Variants in CRYBG3 observed in about 807,000 individuals in gnomAD.
CRYBG3 encodes very large A-kinase anchor protein.
In CRYBG3, 127 loss-of-function variants were observed where a neutral mutation model predicts 244.2. That is an observed-to-expected ratio of 0.52 (90% CI 0.45 to 0.60). CRYBG3 has a LOEUF of 0.60. Among genes scored for constraint, CRYBG3 ranks in the 20% least tolerant of loss-of-function variants. The probability of loss-of-function intolerance (pLI) is 0.00; values close to 1 mark genes in which losing one functional copy is unlikely to be tolerated. For missense variants in CRYBG3, 3,325 were observed against 3,442.5 expected (o/e 0.97, Z 0.85); for synonymous variants, 1,132 against 1,195.8 (o/e 0.95, Z 1.10).
At position 97,875,648 on chromosome 3, in the gene CRYBG3, A is replaced by G; in HGVS notation, c.4454A>G (p.Asp1485Gly). Residue 1485 changes from aspartate to glycine, a missense_variant, in exon 4 of 22, where the codon GAC (aspartate) becomes GGC (glycine). By Grantham distance (94) the Asp-to-Gly change is moderately conservative. This residue lies in a region of CRYBG3 where 635 missense variants were observed against 771.7 expected (regional missense o/e 0.82). Coordinates refer to ENST00000389622, the MANE Select transcript of CRYBG3 (RefSeq NM_153605.4). ...AAATGGCCTCCACTTGTGAATGATG[A>G]CATCCATGCACCTGGTACATCTAAA... The part of the protein sequence containing the change: ...NFKWPPLVND[D>G]IHAPGTSKSS... 1 of 1,234,348 alleles carries G rather than the reference A, an allele frequency of 8.1e-7. No individual in the cohort carries two copies. Among genetic ancestry groups the G allele is most frequent in the Non-Finnish European group, 1.0e-6 (1 of 989,672 alleles). 76.5% of individuals were successfully genotyped at this position (1,234,348 alleles called of 1,614,324 possible).
intron 2 of CRYBG3, among the ~76,000 whole-genome samples, chr3:97,847,421 A>G (rs78191814): frequency 0.035 from 5,303 of 152,274 alleles, 300 homozygotes; most frequent in African/African-American, 0.12. Flanking sequence ...GCAAATCTCA[A>G]ATTAAGTCAC....
chr3:97,917,548 A>T (rs1459174261), intron 17 of CRYBG3, among the ~76,000 whole-genome samples: 1 of 152,106 alleles, frequency 6.6e-6, no homozygotes, highest in Non-Finnish European at 1.5e-5. Flanking sequence ...TCCTACAAAG[A>T]TCTGCAAAGT....
chr3:97,832,555 T>C (rs1036000906), intron 1 of CRYBG3, among the ~76,000 whole-genome samples: 1 of 152,094 alleles, frequency 6.6e-6, no homozygotes, highest in African/African-American at 2.4e-5. Flanking sequence ...TTACACTGTG[T>C]ACAAAAATTA....
chr3:97,831,032 C>G (rs2038647566), intron 1 of CRYBG3, among the ~76,000 whole-genome samples: 1 of 151,948 alleles, frequency 6.6e-6, no homozygotes, highest in African/African-American at 2.4e-5. Flanking sequence ...TGACAAGAGG[C>G]AGATTAATAG....
rs560406248 is a variant in CRYBG3 at position 97,875,912 on chromosome 3, T to C, written c.4718T>C (p.Ile1573Thr). 1.6e-5 allele frequency: 20 copies of C among 1,231,962 alleles called. No homozygotes were observed. The East Asian group carries it at 3.8e-4, about 23-fold the overall frequency. The allele number at this position is 1,231,962 out of a possible 1,614,324, so 76.3% of individuals were successfully genotyped here. A position where few individuals can be genotyped will look rare whatever the true frequency, so the allele number is the denominator to read the frequency against. Residue 1573 changes from isoleucine (I) to threonine (T), a missense_variant, in exon 4 of 22, where the codon ATA (isoleucine) becomes ACA (threonine). Ile to Thr is a moderately conservative substitution (Grantham distance 89). Transcript: ENST00000389622. ...CCTCCTATGATAGAAATGGGAAGAA[T>C]ACATAAAATGGATGCTGAATTGAAT... is the stretch of plus-strand genomic sequence containing the variant. ...AVPPMIEMGR[I>T]HKMDAELNVT... is the part of the protein sequence containing the mutation.
intron 17 of CRYBG3, among the ~76,000 whole-genome samples, chr3:97,930,647 C>A (rs1409303724): frequency 3.3e-5 from 5 of 152,062 alleles, no homozygotes. Flanking sequence ...ACTCCTAAAT[C>A]TGTACTGTCC....
Position 97,899,036 on chromosome 3 carries a change from T to C in CRYBG3, c.7844+11T>C. 6.2e-7 allele frequency: 1 copy of C among 1,608,352 alleles called. No individual in the cohort carries two copies. Among genetic ancestry groups the C allele is most frequent in the Non-Finnish European group, 8.5e-7 (1 of 1,177,882 alleles). Reference sequence around the variant, plus strand: ...TGTTAAAAGTGGAGTGTAAGTTGCCTCCTCTAAGAACCTTGAGAGTCTTTG... The same window carrying C: ...TGTTAAAAGTGGAGTGTAAGTTGCCCCCTCTAAGAACCTTGAGAGTCTTTG... On this transcript the variant is annotated intron_variant, in intron 13 of 21. Coordinates refer to ENST00000389622, the MANE Select transcript of CRYBG3 (RefSeq NM_153605.4).
chr3:97,891,696 G>A (rs1028397113), intron 10 of CRYBG3, among the ~76,000 whole-genome samples: 7 of 151,892 alleles, frequency 4.6e-5, no homozygotes, highest in Non-Finnish European at 1.0e-4. Flanking sequence ...TTAAGATTAG[G>A]GGAAAAAAAG....
At position 97,856,691 on chromosome 3, in the gene CRYBG3, G is replaced by A. The variant is rs181454046; in HGVS notation, c.217-7526G>A. 6.6e-5 allele frequency among the ~76,000 whole-genome samples: 10 copies of A among 151,932 alleles called. 1 individual carries two copies. The highest frequency in any genetic ancestry group is 2.4e-4 in the African/African-American group (10 of 41,466). Reference sequence around the variant, plus strand: ...TATTCATTTCCTCTAGGTTTTTTTTGTTTGTTGGTGTATCATTATTCACAA... The same window carrying A: ...TATTCATTTCCTCTAGGTTTTTTTTATTTGTTGGTGTATCATTATTCACAA... On this transcript the variant is annotated intron_variant, in intron 2 of 21. Transcript: ENST00000389622.
chr3:97,859,668 A>G (rs1421640694), intron 2 of CRYBG3, among the ~76,000 whole-genome samples: 4 of 152,118 alleles, frequency 2.6e-5, no homozygotes, highest in Non-Finnish European at 5.9e-5. Context: ...CAAATTCTCT[A>G]AATTTTGAGA....
In CRYBG3 at chr3:97,872,342, T is replaced by G; in HGVS notation, c.1148T>G (p.Leu383Trp). The change falls in exon 4 of 22, where the codon TTG becomes TGG. Residue 383 changes from leucine to tryptophan, a missense_variant. This residue lies in a region of CRYBG3 where 1,526 missense variants were observed against 1,443.2 expected (regional missense o/e 1.06). Transcript: ENST00000389622. ...AACAGAAATTTGGTATGTTCAGCATTGTTAACAGGAAGTAACCATCGCAAA... is the reference window on the plus strand; with the variant it reads ...AACAGAAATTTGGTATGTTCAGCATGGTTAACAGGAAGTAACCATCGCAAA... ...QTNRNLVCSALLTGSNHRKVP... is the reference protein window; with the variant it reads ...QTNRNLVCSAWLTGSNHRKVP... 1 of 1,535,996 alleles carries G rather than the reference T, an allele frequency of 6.5e-7. No homozygotes were observed. The highest frequency in any genetic ancestry group is 8.7e-7 in the Non-Finnish European group (1 of 1,146,830).
chr3:97,911,600 C>T (rs760343526), intron 15 of CRYBG3, among the ~76,000 whole-genome samples: 29 of 152,308 alleles, frequency 1.9e-4, no homozygotes, highest in Middle Eastern at 3.4e-3. Context: ...CCACTAATCC[C>T]GTCATTATTA....
chr3:97,906,225 C>A (rs1325583459), intron 15 of CRYBG3, among the ~76,000 whole-genome samples: 1 of 133,454 alleles, frequency 7.5e-6, no homozygotes, highest in African/African-American at 2.6e-5. Context: ...CTTCGCAATG[C>A]GGGCTCTTTT....
chr3:97,916,487 G>A (rs9879269), intron 17 of CRYBG3, among the ~76,000 whole-genome samples: 69,508 of 151,962 alleles, frequency 0.46, 16,753 homozygotes, highest in East Asian at 0.67. Flanking sequence ...TGGGCCCCTA[G>A]TCAATAGGAT....
At position 97,874,429 on chromosome 3, in the gene CRYBG3, C is replaced by T; in HGVS notation, c.3235C>T (p.Pro1079Ser). 1.3e-6 allele frequency: 2 copies of T among 1,534,972 alleles called. No individual in the cohort carries two copies. The highest frequency in any genetic ancestry group is 1.7e-6 in the Non-Finnish European group (2 of 1,146,418). The change falls in exon 4 of 22, where the codon CCC becomes TCC. Residue 1079 changes from proline to serine, a missense_variant. Physicochemically the swap from Pro to Ser is moderately conservative, Grantham distance 74. Transcript: ENST00000389622. ...TAGCATGATAGTAAATTCACATAAG[C>T]CCCAAAATAATTTGGATTCTATACA... ...EVSMIVNSHK[P>S]QNNLDSIQVT...
Position 97,880,073 on chromosome 3 carries a change from G to C in CRYBG3, c.6977G>C (p.Gly2326Ala), listed in dbSNP as rs991222817. ...GCTACATCATGGTCTTTTCCAAATGGAGTTCTAATAAAAGTTGTAAGGGGC... is the reference window on the plus strand; with the variant it reads ...GCTACATCATGGTCTTTTCCAAATGCAGTTCTAATAAAAGTTGTAAGGGGC... ...PDATSWSFPN[G>A]VLIKVVRGCW... Residue 2326 changes from glycine to alanine, a missense_variant, in exon 6 of 22, where the codon GGA (glycine) becomes GCA (alanine). Around this residue, in one of 4 missense-constraint regions of CRYBG3, gnomAD observed 714 missense variants for 803.6 expected, o/e 0.89. Coordinates refer to ENST00000389622, the MANE Select transcript of CRYBG3 (RefSeq NM_153605.4). The C allele has an allele frequency of 3.1e-6, 5 of 1,590,828 alleles. No individual in the cohort carries two copies. In the African/African-American group the frequency reaches 6.7e-5, roughly 21 times the overall value.
At position 97,908,458 on chromosome 3, in the gene CRYBG3, C is replaced by T. The variant is rs576964089; in HGVS notation, c.8005-3709C>T. Among the ~76,000 whole-genome samples the T allele has an allele frequency of 4.6e-5, 7 of 152,228 alleles. No homozygotes were observed. In the South Asian group the frequency reaches 6.2e-4, roughly 14 times the overall value. ...GTATTGGGTGCATATATATTTAGGA[C>T]AGTTAGCTCTTCTTGTTGAATTGAT... On this transcript the variant is annotated intron_variant, in intron 15 of 21. Transcript: ENST00000389622.
chr3:97,835,991 T>C (rs2038727705), intron 1 of CRYBG3, among the ~76,000 whole-genome samples: 2 of 152,126 alleles, frequency 1.3e-5, no homozygotes, highest in Admixed American at 1.3e-4. Flanking sequence ...ACACATGTAC[T>C]GTAGACAGCT....
intron 1 of CRYBG3, among the ~76,000 whole-genome samples, chr3:97,826,420 A>G (rs1031598692): frequency 2.0e-5 from 3 of 152,218 alleles, no homozygotes; most frequent in Non-Finnish European, 2.9e-5. Flanking sequence ...TTTTTTACTC[A>G]TAACAGCGGA....
Sources: allele counts gnomAD v4.1 joint callset (sites outside exome capture counted in the v4.1 genomes callset), GRCh38; gene constraint gnomAD v4.1.1; regional missense constraint gnomAD v4.1.1; transcripts MANE v1.5; gene names NCBI Gene and HGNC (gene_info 2026-07-23, HGNC 2026-07-21).